The following HHIP variants were observed in gnomAD, a reference collection of about 807,000 sequenced individuals.
HHIP encodes hedgehog interacting protein, also known as hedgehog-interacting protein.
A neutral mutation model predicts 74.0 loss-of-function variants in HHIP; 12 were observed. The observed-to-expected ratio is 0.16, with a 90% CI of 0.10 to 0.26. The LOEUF is 0.26. HHIP is among the 10% of genes least tolerant of loss of function. The pLI, the probability that HHIP is intolerant of heterozygous loss-of-function variation, is 1.00. For synonymous variants in HHIP, 309 were observed against 311.6 expected (o/e 0.99, Z 0.09); for missense variants, 788 against 845.0 (o/e 0.93, Z 0.84).
intron 12 of HHIP, 88 bp from the exon 13 acceptor site, chr4:144,737,676 T>A: frequency 8.5e-7 from 1 of 1,174,048 alleles, no homozygotes; most frequent in Non-Finnish European, 1.2e-6. Context: ...GCTTCCCTTA[T>A]TCAGCAAATA....
chr4:144,713,522 A>G (rs2126663080), intron 8 of HHIP, among the ~76,000 whole-genome samples: 1 of 152,270 alleles, frequency 6.6e-6, no homozygotes, highest in African/African-American at 2.4e-5. Flanking sequence ...ATTAATTTGC[A>G]AGTAGCTTTA....
At chr4:144,731,095 A>G (rs776458885) in intron 11 of HHIP, among the ~76,000 whole-genome samples, 3 of 152,212 alleles carry the variant, frequency 2.0e-5, no homozygotes, top group Admixed American at 6.5e-5. Flanking sequence ...GGCAATAGAG[A>G]GAAATACAGT....
chr4:144,683,133 T>TA (rs1303498032), intron 4 of HHIP, among the ~76,000 whole-genome samples: 6 of 152,236 alleles, frequency 3.9e-5, no homozygotes, highest in Non-Finnish European at 8.8e-5. Context: ...TCTTGTCCAG[T>TA]AATTTTGAAA....
intron 9 of HHIP, 178 bp from the exon 10 acceptor site, chr4:144,715,122 T>C (rs1314058383): frequency 3.8e-6 from 2 of 522,110 alleles, no homozygotes; most frequent in Non-Finnish European, 6.8e-6. Flanking sequence ...AAGTACTTTC[T>C]CCGCATATGG....
intron 12 of HHIP, among the ~76,000 whole-genome samples, chr4:144,735,986 C>T (rs1302316809): frequency 6.6e-6 from 1 of 152,054 alleles, no homozygotes; most frequent in Non-Finnish European, 1.5e-5. Flanking sequence ...AAAACAAATG[C>T]TTACATGTTA....
intron 11 of HHIP, among the ~76,000 whole-genome samples, chr4:144,725,758 T>A (rs954022435): frequency 2.6e-5 from 4 of 152,224 alleles, no homozygotes; most frequent in African/African-American, 9.6e-5. Context: ...AACCTCTGCC[T>A]CCCGGGTTCA....
chr4:144,661,444 A>AT (rs1728711491), intron 4 of HHIP: 1 of 152,172 alleles, frequency 6.6e-6, no homozygotes. Flanking sequence ...TATATGACAT[A>AT]TTTTAAGATG....
Position 144,742,984 on chromosome 4 carries a change from CA to C in HHIP, c.*5028del, listed in dbSNP as rs1731302636. On this transcript the variant is annotated 3_prime_UTR_variant, in exon 13 of 13. Coordinates refer to ENST00000296575, the MANE Select transcript of HHIP (RefSeq NM_022475.3). ...TATAAGATATATGTATATATATATACATTATATATATATAATATATATATAT... is the reference window on the plus strand; with the variant it reads ...TATAAGATATATGTATATATATATACTTATATATATATAATATATATATAT... The C allele has an allele frequency of 7.0e-3, 10 of 1,428 alleles. No individual in the cohort carries two copies. The highest frequency in any genetic ancestry group is 0.029 in the South Asian group (1 of 34). 0.1% of individuals were successfully genotyped at this position (1,428 alleles called of 1,614,324 possible).
intron 4 of HHIP, among the ~76,000 whole-genome samples, chr4:144,670,332 G>C (rs1027905953): frequency 2.6e-5 from 4 of 151,416 alleles, no homozygotes; most frequent in African/African-American, 9.7e-5. Context: ...ATGGTGGTGC[G>C]TGCCTGCAAT....
chr4:144,712,231 C>A (rs1375680961), intron 8 of HHIP, among the ~76,000 whole-genome samples, 160 bp downstream of exon 8: 1 of 152,122 alleles, frequency 6.6e-6, no homozygotes, highest in African/African-American at 2.4e-5. Flanking sequence ...CTTTTTAAAG[C>A]TCCAGTGACT....
At chr4:144,659,899 C>T (rs1728664378) in intron 4 of HHIP, 61 bp downstream of exon 4, 1 of 1,208,926 alleles carries the variant, frequency 8.3e-7, no homozygotes. Context: ...TTTAGTGTTA[C>T]CTTCCTCACT....
At position 144,722,855 on chromosome 4, in the gene HHIP, C is replaced by CA. The variant is rs963174886; in HGVS notation, c.1760+3910dup. Among the ~76,000 whole-genome samples, 827 of 140,670 alleles carry CA rather than the reference C, an allele frequency of 5.9e-3. 12 individuals are homozygous for CA. The highest frequency in any genetic ancestry group is 0.02 in the African/African-American group (762 of 38,422). The allele number at this position is 140,670 out of a possible 152,430, so 92.3% of individuals were successfully genotyped here. A position where few individuals can be genotyped will look rare whatever the true frequency, so the allele number is the denominator to read the frequency against. On this transcript the variant is annotated intron_variant, in intron 11 of 12. Transcript: ENST00000296575. ...TGGGCAACAGGGTGAGACTCTGTTT[C>CA]AAAAAAAAAAAGAACTCTCAATACA...
At chr4:144,650,149 G>T (rs1320750618) in intron 1 of HHIP, among the ~76,000 whole-genome samples, 1 of 152,024 alleles carries the variant, frequency 6.6e-6, no homozygotes, top group Non-Finnish European at 1.5e-5. Flanking sequence ...AATACAGAAG[G>T]TCTCTGTCAC....
intron 4 of HHIP, among the ~76,000 whole-genome samples, chr4:144,665,025 T>C (rs1410154931): frequency 6.6e-6 from 1 of 152,204 alleles, no homozygotes; most frequent in East Asian, 1.9e-4. Context: ...TATGTAAAAA[T>C]ATAAACAAAA....
Position 144,733,375 on chromosome 4 carries a change from G to T in HHIP, c.1761-1366G>T, listed in dbSNP as rs111642800. On this transcript the variant is annotated intron_variant, in intron 11 of 12. Transcript: ENST00000296575. ...AGAGTGGGACTTTTCTTCTGGAGAA[G>T]AGCTAGGGAAGCCACCGTACATTTT... Among the ~76,000 whole-genome samples the T allele has an allele frequency of 3.1e-3, 475 of 152,252 alleles. 1 individual carries two copies. Among genetic ancestry groups the T allele is most frequent in the Non-Finnish European group, 4.8e-3 (324 of 68,014 alleles).
chr4:144,687,535 A>G (rs1213142816), intron 4 of HHIP, among the ~76,000 whole-genome samples: 1 of 152,178 alleles, frequency 6.6e-6, no homozygotes, highest in Non-Finnish European at 1.5e-5. Context: ...AAAGTTTACT[A>G]GATGTGCTCA....
intron 4 of HHIP, among the ~76,000 whole-genome samples, chr4:144,664,384 A>G (rs994363047): frequency 1.3e-5 from 2 of 152,232 alleles, no homozygotes; most frequent in African/African-American, 2.4e-5. Context: ...ACAGGCTTGT[A>G]AATCACAAAC....
At chr4:144,671,204 G>A (rs941438011) in intron 4 of HHIP, among the ~76,000 whole-genome samples, 1 of 152,062 alleles carries the variant, frequency 6.6e-6, no homozygotes, top group African/African-American at 2.4e-5. Context: ...ATCACCCTGG[G>A]GTTGATCACG....
chr4:144,663,182 A>T (rs1728760537), intron 4 of HHIP, among the ~76,000 whole-genome samples: 1 of 152,162 alleles, frequency 6.6e-6, no homozygotes, highest in Non-Finnish European at 1.5e-5. Flanking sequence ...CCAGCTACTC[A>T]GAAGGCTGAG....
Sources: allele counts gnomAD v4.1 joint callset (sites outside exome capture counted in the v4.1 genomes callset), GRCh38; gene constraint gnomAD v4.1.1; transcripts MANE v1.5; gene names NCBI Gene and HGNC (gene_info 2026-07-23, HGNC 2026-07-21).